PCM1: variants seen among roughly 807,000 people sequenced by gnomAD.
PCM1 encodes pericentriolar material 1, also known as pericentriolar material 1 protein.
Under a neutral mutation model 241.9 loss-of-function variants are expected in PCM1, and 157 were observed. The observed-to-expected ratio is 0.65, with a 90% CI of 0.57 to 0.74. PCM1 has a LOEUF of 0.74. PCM1 is among the 30% of genes least tolerant of loss of function. The pLI is 0.00. For missense variants in PCM1, 3,478 were observed against 2,360.1 expected (o/e 1.47, Z -9.81); for synonymous variants, 1,085 against 784.9 (o/e 1.38, Z -6.39).
chr8:17,991,486 A>G (rs774739038), intron 27 of PCM1, 56 bp from the exon 28 acceptor site: 138 of 1,416,356 alleles, frequency 9.7e-5, no homozygotes, highest in Non-Finnish European at 1.3e-4. Flanking sequence ...ATTTTGAGGA[A>G]TATATGAAAA....
rs138847819 is a variant in PCM1, at chr8:17,945,697, A to T, written c.784-1489A>T. Among the ~76,000 whole-genome samples, 5 of 152,266 alleles carry T rather than the reference A, an allele frequency of 3.3e-5. No individual in the cohort carries two copies. The South Asian group carries it at 8.3e-4, about 25-fold the overall frequency. ...AAATTTTTATATAGTATTGTAAAGG[A>T]TGTCACCCAGAAGGGAGTTTCTCTT... On this transcript the variant is annotated intron_variant, in intron 6 of 38. Coordinates refer to ENST00000325083, the MANE Select transcript of PCM1 (RefSeq NM_006197.4).
intron 2 of PCM1, among the ~76,000 whole-genome samples, chr8:17,928,104 T>C (rs1484447081): frequency 6.6e-6 from 1 of 152,194 alleles, no homozygotes. Flanking sequence ...CTGTCATCAA[T>C]CACTTCTACC....
intron 36 of PCM1, among the ~76,000 whole-genome samples, chr8:18,021,666 G>A (rs939769925): frequency 2.0e-5 from 3 of 152,072 alleles, no homozygotes; most frequent in African/African-American, 4.8e-5. Flanking sequence ...TGTCATCCTC[G>A]GTCTTCTGGA....
intron 2 of PCM1, chr8:17,927,785 G>A (rs993613035): frequency 6.7e-6 from 1 of 150,178 alleles, no homozygotes; most frequent in Admixed American, 6.7e-5. Context: ...TCCTGACCTC[G>A]TGATCCGCCC....
At chr8:18,024,791 G>C (rs535740643) in intron 36 of PCM1, among the ~76,000 whole-genome samples, 1 of 152,228 alleles carries the variant, frequency 6.6e-6, no homozygotes, top group African/African-American at 2.4e-5. Context: ...AGCAGGGTGA[G>C]AAACAGTGCA....
intron 6 of PCM1, among the ~76,000 whole-genome samples, chr8:17,943,786 A>G (rs898535846): frequency 6.6e-6 from 1 of 152,158 alleles, no homozygotes; most frequent in Admixed American, 6.5e-5. Flanking sequence ...AGGAACTGTC[A>G]TTCTTACCAC....
intron 2 of PCM1, among the ~76,000 whole-genome samples, chr8:17,928,616 CT>C (rs71215287): frequency 0.018 from 1,467 of 82,474 alleles, 35 homozygotes; most frequent in East Asian, 0.048. Context: ...GTATCTCCCT[CT>C]TTTTTTTTTT....
chr8:17,944,219 A>T (rs2063086927), intron 6 of PCM1, among the ~76,000 whole-genome samples: 1 of 152,148 alleles, frequency 6.6e-6, no homozygotes, highest in Non-Finnish European at 1.5e-5. Flanking sequence ...TTCAGACATG[A>T]TGTCTTATAC....
intron 17 of PCM1, among the ~76,000 whole-genome samples, 176 bp from the exon 18 acceptor site, chr8:17,964,392 T>G (rs990671161): frequency 6.6e-6 from 1 of 152,222 alleles, no homozygotes; most frequent in African/African-American, 2.4e-5. Flanking sequence ...CTAAACATAT[T>G]CTGTATATAA....
At chr8:17,953,995 C>G (rs901833457) in intron 9 of PCM1, among the ~76,000 whole-genome samples, 4 of 152,222 alleles carry the variant, frequency 2.6e-5, no homozygotes, top group African/African-American at 9.6e-5. Context: ...CCACCTATCT[C>G]CTTTTCCTTT....
At chr8:17,980,870 T>G in intron 24 of PCM1, 115 bp downstream of exon 24, 1 of 688,408 alleles carries the variant, frequency 1.5e-6, no homozygotes, top group Non-Finnish European at 2.3e-6. Flanking sequence ...ATGTGGAAGG[T>G]TTTATAGTGG....
chr8:17,971,051 G>A (rs980759481), intron 22 of PCM1, among the ~76,000 whole-genome samples: 5 of 152,084 alleles, frequency 3.3e-5, no homozygotes, highest in East Asian at 1.9e-4. Context: ...GCAACCATAG[G>A]CAATATGTAA....
intron 27 of PCM1, among the ~76,000 whole-genome samples, chr8:17,990,466 T>G (rs768511442): frequency 1.3e-5 from 2 of 150,438 alleles, no homozygotes; most frequent in African/African-American, 2.4e-5. Context: ...GTTTTGGTTG[T>G]TTTTTTTTGT....
At chr8:18,026,297 G>A (rs563898647) in intron 38 of PCM1, among the ~76,000 whole-genome samples, 28 of 118,490 alleles carry the variant, frequency 2.4e-4, no homozygotes, top group Non-Finnish European at 3.6e-4. Context: ...CTCTGCCACC[G>A]AGGCTGGAGT....
At chr8:17,992,610 CTTTTTTTTT>C (rs71545503) in intron 28 of PCM1, among the ~76,000 whole-genome samples, 58 of 128,438 alleles carry the variant, frequency 4.5e-4, no homozygotes, top group Non-Finnish European at 8.3e-4. Flanking sequence ...ACTACTACTA[CTTTTTTTTT>C]TTTTTTTTTT....
intron 22 of PCM1, among the ~76,000 whole-genome samples, chr8:17,971,959 G>T (rs1367260886): frequency 1.3e-5 from 2 of 151,858 alleles, no homozygotes; most frequent in African/African-American, 4.8e-5. Flanking sequence ...TGTCTGGGCT[G>T]GTCTTGAACT....
At chr8:17,985,089 A>G (rs2082170137) in intron 24 of PCM1, among the ~76,000 whole-genome samples, 1 of 151,922 alleles carries the variant, frequency 6.6e-6, no homozygotes, top group African/African-American at 2.4e-5. Flanking sequence ...AAAGCAAAAA[A>G]GAAATTAGCA....
intron 22 of PCM1, among the ~76,000 whole-genome samples, chr8:17,971,997 C>T (rs1272514460): frequency 3.3e-5 from 5 of 152,078 alleles, no homozygotes; most frequent in Non-Finnish European, 5.9e-5. Context: ...CTCCTGCCTC[C>T]GCCTTCCAAA....
intron 4 of PCM1, 108 bp downstream of exon 4, chr8:17,937,487 A>G (rs2060752163): frequency 9.5e-7 from 1 of 1,055,198 alleles, no homozygotes; most frequent in Non-Finnish European, 1.3e-6. Flanking sequence ...GTAATTTTTA[A>G]AAAAAGTTTC....
Sources: gnomAD v4.1 joint callset for allele counts (sites outside exome capture counted in the v4.1 genomes callset) on GRCh38, gnomAD v4.1.1 for gene constraint, MANE v1.5 for transcripts, NCBI Gene and HGNC (gene_info 2026-07-23, HGNC 2026-07-21) for gene names.